The following SNX7 variants were observed in gnomAD, a reference collection of about 807,000 sequenced individuals.
The protein encoded by SNX7 is sorting nexin 7, also known as sorting nexin-7.
In SNX7, 35 loss-of-function variants were observed where a neutral mutation model predicts 48.4. The ratio of observed to expected loss-of-function variants is 0.72; its 90% CI spans 0.55 to 0.96. SNX7 has a LOEUF of 0.96. Among genes scored for constraint, SNX7 ranks in the 40% least tolerant of loss-of-function variants. The probability of loss-of-function intolerance (pLI) is 0.00; values close to 1 mark genes in which losing one functional copy is unlikely to be tolerated. For synonymous variants in SNX7, 190 were observed against 190.2 expected (o/e 1.00, Z 0.01); for missense variants, 553 against 548.9 (o/e 1.01, Z -0.07).
At position 98,663,252 on chromosome 1, in the gene SNX7, GGTTT is replaced by G. The variant is rs1649350740; in HGVS notation, c.180+1342_180+1345del. 1.4e-3 allele frequency among the ~76,000 whole-genome samples: 115 copies of G among 83,148 alleles called. 17 individuals carry two copies. The highest frequency in any genetic ancestry group is 5.7e-3 in the Middle Eastern group (1 of 174). 54.5% of individuals were successfully genotyped at this position (83,148 alleles called of 152,430 possible). On this transcript the variant is annotated intron_variant, in intron 1 of 8. Coordinates refer to ENST00000306121, the MANE Select transcript of SNX7 (RefSeq NM_015976.5). ...ATCAGAATCATCAGGGTTTCTTTCT[GGTTT>G]TTTTTTTTTTTTTTTTTTTTTTTTT...
chr1:98,711,383 A>G (rs1652298664), intron 7 of SNX7, among the ~76,000 whole-genome samples: 1 of 152,136 alleles, frequency 6.6e-6, no homozygotes, highest in African/African-American at 2.4e-5. Context: ...CCTCTAGCAC[A>G]TTTGGATATA....
At chr1:98,665,237 G>C (rs185818003) in intron 1 of SNX7, among the ~76,000 whole-genome samples, 51 of 152,218 alleles carry the variant, frequency 3.4e-4, no homozygotes, top group African/African-American at 1.2e-3. Context: ...GGAACTTACA[G>C]GTGTAATCAT....
chr1:98,698,565 G>A, intron 5 of SNX7, 141 bp from the exon 6 acceptor site: 1 of 737,104 alleles, frequency 1.4e-6, no homozygotes. Flanking sequence ...TTTAATGAAG[G>A]ATGATATCCG....
intron 7 of SNX7, among the ~76,000 whole-genome samples, chr1:98,715,089 ATATATT>A (rs1652516699): frequency 1.3e-5 from 2 of 152,136 alleles, no homozygotes; most frequent in African/African-American, 2.4e-5. Context: ...TAAGTTATTG[ATATATT>A]TATATTATCA....
chr1:98,702,389 A>G (rs1214634354), intron 7 of SNX7, among the ~76,000 whole-genome samples: 3 of 152,130 alleles, frequency 2.0e-5, no homozygotes, highest in Admixed American at 6.6e-5. Context: ...GAAATTTTCA[A>G]ACAAAATGAG....
chr1:98,664,266 A>T (rs1171267528), intron 1 of SNX7, among the ~76,000 whole-genome samples: 1 of 152,198 alleles, frequency 6.6e-6, no homozygotes, highest in Non-Finnish European at 1.5e-5. Flanking sequence ...TTTAAAGAGT[A>T]TGAATTTCCC....
chr1:98,724,619 A>G (rs1253676747), intron 7 of SNX7, among the ~76,000 whole-genome samples: 1 of 152,142 alleles, frequency 6.6e-6, no homozygotes, highest in Non-Finnish European at 1.5e-5. Flanking sequence ...AATAAGGATA[A>G]AGGATGCTTA....
chr1:98,676,889 A>G lies in SNX7; in HGVS notation c.181-7996A>G, dbSNP rs566097422. On this transcript the variant is annotated intron_variant, in intron 1 of 8. Coordinates refer to ENST00000306121, the MANE Select transcript of SNX7 (RefSeq NM_015976.5). ...CTGCTTAGTCAATGGCAGAGATAGGACCAGAAGCCATTTTTGGCCTCCTTT... is the reference window on the plus strand; with the variant it reads ...CTGCTTAGTCAATGGCAGAGATAGGGCCAGAAGCCATTTTTGGCCTCCTTT... Among the ~76,000 whole-genome samples, 4 of 152,316 alleles carry G rather than the reference A, an allele frequency of 2.6e-5. No homozygotes were observed. In the East Asian group the frequency reaches 5.8e-4, roughly 22 times the overall value.
chr1:98,697,438 A>C (rs559529262), intron 5 of SNX7, among the ~76,000 whole-genome samples: 23 of 152,256 alleles, frequency 1.5e-4, no homozygotes, highest in African/African-American at 5.3e-4. Context: ...TAGTGAACAA[A>C]AAACGGTCAC....
chr1:98,706,049 G>T (rs1339326377), intron 7 of SNX7, among the ~76,000 whole-genome samples: 1 of 152,100 alleles, frequency 6.6e-6, no homozygotes, highest in Non-Finnish European at 1.5e-5. Flanking sequence ...TTTACATAAT[G>T]ATAAGATGAT....
intron 1 of SNX7, among the ~76,000 whole-genome samples, chr1:98,673,114 A>C (rs1231276047): frequency 6.6e-6 from 1 of 152,194 alleles, no homozygotes; most frequent in Non-Finnish European, 1.5e-5. Context: ...CAGGTGTAAC[A>C]TTCATTTATC....
intron 1 of SNX7, among the ~76,000 whole-genome samples, chr1:98,672,695 C>A (rs866170578): frequency 6.6e-6 from 1 of 151,248 alleles, no homozygotes; most frequent in South Asian, 2.1e-4. Flanking sequence ...GAGGCCGAGG[C>A]GGGTGGATCT....
At chr1:98,752,997 A>G (rs1259761985) in intron 8 of SNX7, among the ~76,000 whole-genome samples, 1 of 152,012 alleles carries the variant, frequency 6.6e-6, no homozygotes, top group African/African-American at 2.4e-5. Context: ...GACATTGACT[A>G]TCCATTTGTT....
At chr1:98,685,413 C>T (rs771837740) in intron 2 of SNX7, among the ~76,000 whole-genome samples, 6 of 152,010 alleles carry the variant, frequency 3.9e-5, no homozygotes, top group African/African-American at 1.2e-4. Flanking sequence ...TTAAACAGTT[C>T]GCAATATTAT....
chr1:98,680,623 A>G (rs1650436716), intron 1 of SNX7, among the ~76,000 whole-genome samples: 1 of 152,170 alleles, frequency 6.6e-6, no homozygotes, highest in Non-Finnish European at 1.5e-5. Context: ...CAGAAATTTC[A>G]TCCACTAGAT....
At chr1:98,681,986 CCTT>C (rs1336287231) in intron 1 of SNX7, among the ~76,000 whole-genome samples, 2 of 152,124 alleles carry the variant, frequency 1.3e-5, no homozygotes, top group African/African-American at 2.4e-5. Context: ...CTTTCTCTCT[CCTT>C]AACTTTCTTA....
Position 98,670,587 on chromosome 1 carries a change from C to A in SNX7, c.180+8676C>A, listed in dbSNP as rs537304022. On this transcript the variant is annotated intron_variant, in intron 1 of 8. Transcript: ENST00000306121. ...ATGTGTTACAGCTGCCTACAGTTTT[C>A]ATAACAGTAACATGTACAGGTTTGT... Among the ~76,000 whole-genome samples, 3 of 152,290 alleles carry A rather than the reference C, an allele frequency of 2.0e-5. No homozygotes were observed. In the East Asian group the frequency reaches 5.8e-4, roughly 29 times the overall value.
At chr1:98,745,337 T>C (rs1654261304) in intron 8 of SNX7, among the ~76,000 whole-genome samples, 1 of 151,976 alleles carries the variant, frequency 6.6e-6, no homozygotes, top group African/African-American at 2.4e-5. Context: ...AACAAAGAAG[T>C]TGACTAGAGC....
chr1:98,731,819 A>G (rs1653529132), intron 7 of SNX7, among the ~76,000 whole-genome samples: 1 of 152,162 alleles, frequency 6.6e-6, no homozygotes, highest in Non-Finnish European at 1.5e-5. Flanking sequence ...GCAGATTGTC[A>G]TTGACTGAAA....
Sources: allele counts gnomAD v4.1 joint callset (sites outside exome capture counted in the v4.1 genomes callset), GRCh38; gene constraint gnomAD v4.1.1; transcripts MANE v1.5; gene names NCBI Gene and HGNC (gene_info 2026-07-23, HGNC 2026-07-21).